Variants in LTBP1 observed in about 807,000 individuals in gnomAD.
The protein encoded by LTBP1 is latent-transforming growth factor beta-binding protein 1.
A neutral mutation model predicts 207.6 loss-of-function variants in LTBP1; 129 were observed. The ratio of observed to expected loss-of-function variants is 0.62; its 90% CI spans 0.54 to 0.72. The LOEUF (loss-of-function observed/expected upper bound fraction) is 0.72. Among genes scored for constraint, LTBP1 ranks in the 30% least tolerant of loss-of-function variants. The probability of loss-of-function intolerance (pLI) is 0.00; values close to 1 mark genes in which losing one functional copy is unlikely to be tolerated. For missense variants in LTBP1, 2,281 were observed against 2,217.2 expected (o/e 1.03, Z -0.58); for synonymous variants, 963 against 833.7 (o/e 1.16, Z -2.67).
At chr2:33,217,242 A>G (rs987785006) in intron 7 of LTBP1, among the ~76,000 whole-genome samples, 1 of 152,292 alleles carries the variant, frequency 6.6e-6, no homozygotes, top group Admixed American at 6.5e-5. Flanking sequence ...GATCTTACAC[A>G]CTATGAGGCT....
intron 5 of LTBP1, among the ~76,000 whole-genome samples, chr2:33,161,282 T>C: frequency 6.8e-6 from 1 of 145,990 alleles, no homozygotes; most frequent in South Asian, 2.2e-4. Context: ...TTTTTTGAGA[T>C]GGAGTCTTGC....
chr2:33,342,542 G>A (rs181466943), intron 24 of LTBP1, among the ~76,000 whole-genome samples: 27 of 152,312 alleles, frequency 1.8e-4, no homozygotes, highest in Admixed American at 1.4e-3. Flanking sequence ...AGTCGAGAAC[G>A]TTTAGGTAAT....
At chr2:33,307,543 G>A (rs2123772) in intron 22 of LTBP1, among the ~76,000 whole-genome samples, 1 of 152,208 alleles carries the variant, frequency 6.6e-6, no homozygotes, top group Non-Finnish European at 1.5e-5. Flanking sequence ...AAGCACAAAA[G>A]GAGTGAGAGG....
intron 22 of LTBP1, among the ~76,000 whole-genome samples, chr2:33,307,932 T>C (rs961297933): frequency 1.3e-5 from 2 of 152,180 alleles, no homozygotes; most frequent in African/African-American, 4.8e-5. Flanking sequence ...AGGAGAAAAA[T>C]GAAATTCGGT....
Position 33,280,096 on chromosome 2 carries a change from C to T in LTBP1, c.3050C>T (p.Pro1017Leu). 6.2e-7 allele frequency: 1 copy of T among 1,614,134 alleles called. No individual in the cohort carries two copies. Among genetic ancestry groups the T allele is most frequent in the Non-Finnish European group, 8.5e-7 (1 of 1,179,986 alleles). Residue 1017 changes from proline (P) to leucine (L), a missense_variant, in exon 19 of 34, where the codon CCT (proline) becomes CTT (leucine). Physicochemically the swap from Pro to Leu is moderately conservative, Grantham distance 98 (BLOSUM62 -3). This residue lies in a region of LTBP1 where 1,671 missense variants were observed against 1,634.8 expected (regional missense o/e 1.02). Transcript: ENST00000404816. ...TCPDEQCVNS[P>L]GSYQCVPCTE... ...CCAGATGAGCAGTGTGTGAATTCTC[C>T]TGGATCTTACCAGTGCGTTCCCTGC...
intron 20 of LTBP1, among the ~76,000 whole-genome samples, chr2:33,298,112 T>C (rs191761700): frequency 5.9e-5 from 9 of 152,340 alleles, no homozygotes; most frequent in African/African-American, 2.2e-4. Context: ...AAGACATTTG[T>C]CCAGCATTCC....
chr2:32,980,799 G>T (rs1682645199), intron 2 of LTBP1, among the ~76,000 whole-genome samples: 1 of 152,052 alleles, frequency 6.6e-6, no homozygotes, highest in Non-Finnish European at 1.5e-5. Flanking sequence ...GTTTTTCTGG[G>T]AAAGTCTTTA....
At chr2:33,348,770 A>C (rs1337748523) in intron 26 of LTBP1, among the ~76,000 whole-genome samples, 2 of 152,240 alleles carry the variant, frequency 1.3e-5, no homozygotes, top group Admixed American at 6.5e-5. Context: ...AAGTGAAAAA[A>C]TACAGGATAT....
intron 5 of LTBP1, among the ~76,000 whole-genome samples, chr2:33,171,862 T>C (rs2085490185): frequency 6.6e-6 from 1 of 151,896 alleles, no homozygotes; most frequent in Non-Finnish European, 1.5e-5. Context: ...TCAACATTCT[T>C]AAAAAAAAGA....
chr2:33,075,083 T>TA (rs930190712), intron 3 of LTBP1, among the ~76,000 whole-genome samples: 61 of 147,470 alleles, frequency 4.1e-4, no homozygotes, highest in African/African-American at 9.0e-4. Context: ...AAAAAATGGA[T>TA]AAAAAAAAAA....
chr2:32,947,446 G>A lies in LTBP1; in HGVS notation c.122G>A (p.Gly41Asp). 1 of 1,444,184 alleles carries A rather than the reference G, an allele frequency of 6.9e-7. No homozygotes were observed. The highest frequency in any genetic ancestry group is 9.1e-7 in the Non-Finnish European group (1 of 1,101,170). 89.5% of individuals were successfully genotyped at this position (1,444,184 alleles called of 1,614,324 possible). A position where few individuals can be genotyped will look rare whatever the true frequency, so the allele number is the denominator to read the frequency against. The change falls in exon 1 of 34, where the codon GGC becomes GAC. Residue 41 changes from glycine to aspartate, a missense_variant. This residue lies in a region of LTBP1 where 555 missense variants were observed against 491.0 expected (regional missense o/e 1.13). Transcript: ENST00000404816. ...CACCCGGGCCCCGGCCTGGCAGCCG[G>A]CGCCTTGCCCCTGAGCGGGCCCCCG... is the stretch of plus-strand genomic sequence containing the variant. ...VVHPGPGLAA[G>D]ALPLSGPPRS...
At position 33,360,919 on chromosome 2, in the gene LTBP1, C is replaced by T. The variant is rs2094920583; in HGVS notation, c.4183+140C>T. 9.6e-6 allele frequency: 6 copies of T among 623,616 alleles called. No homozygotes were observed. The South Asian group carries it at 1.3e-4, about 14-fold the overall frequency. The allele number at this position is 623,616 out of a possible 1,614,324, so 38.6% of individuals were successfully genotyped here. ...GAGTTTCATTCAGGGCTAGAGCCAG[C>T]ACCTGCATCCCATCTTAATATGAAT... is the stretch of plus-strand genomic sequence containing the variant. On this transcript the variant is annotated intron_variant, in intron 27 of 33. Transcript: ENST00000404816.
chr2:33,136,060 T>C (rs931683828), intron 5 of LTBP1, among the ~76,000 whole-genome samples: 4 of 152,198 alleles, frequency 2.6e-5, no homozygotes, highest in Non-Finnish European at 5.9e-5. Flanking sequence ...AGATCTTTGA[T>C]TATTCTGCTG....
At chr2:33,045,894 C>T (rs947716634) in intron 3 of LTBP1, among the ~76,000 whole-genome samples, 28 of 152,270 alleles carry the variant, frequency 1.8e-4, no homozygotes, top group African/African-American at 6.7e-4. Context: ...TGGGAGTTCA[C>T]TCATGATTTG....
intron 5 of LTBP1, among the ~76,000 whole-genome samples, chr2:33,147,832 G>T (rs533167224): frequency 6.6e-6 from 1 of 152,198 alleles, no homozygotes; most frequent in Non-Finnish European, 1.5e-5. Context: ...AGGGGATGGT[G>T]AGAAAGTGTT....
intron 26 of LTBP1, among the ~76,000 whole-genome samples, chr2:33,359,179 A>C (rs938411501): frequency 1.3e-5 from 2 of 152,232 alleles, no homozygotes; most frequent in African/African-American, 2.4e-5. Flanking sequence ...AGAATTGGCC[A>C]GAATCAACTG....
At chr2:33,198,363 T>G (rs1487621878) in intron 7 of LTBP1, among the ~76,000 whole-genome samples, 1 of 152,230 alleles carries the variant, frequency 6.6e-6, no homozygotes, top group Non-Finnish European at 1.5e-5. Context: ...AATTCTCTTT[T>G]TTGGTTGTGT....
intron 3 of LTBP1, among the ~76,000 whole-genome samples, chr2:33,037,835 A>G (rs572002686): frequency 6.6e-6 from 1 of 152,312 alleles, no homozygotes; most frequent in African/African-American, 2.4e-5. Flanking sequence ...CTCCCACCTC[A>G]GCCACCCAAG....
chr2:33,077,790 T>G (rs1239547202), intron 3 of LTBP1, among the ~76,000 whole-genome samples: 1 of 152,220 alleles, frequency 6.6e-6, no homozygotes, highest in Non-Finnish European at 1.5e-5. Flanking sequence ...CATTATATTG[T>G]TAAAGAAAAA....
Sources: allele counts gnomAD v4.1 joint callset (sites outside exome capture counted in the v4.1 genomes callset), GRCh38; gene constraint gnomAD v4.1.1; regional missense constraint gnomAD v4.1.1; transcripts MANE v1.5; gene names NCBI Gene and HGNC (gene_info 2026-07-23, HGNC 2026-07-21).